Variants in SH3GL3 observed in about 807,000 individuals in gnomAD.
SH3GL3 encodes the protein endophilin-A3.
Under a neutral mutation model 47.7 loss-of-function variants are expected in SH3GL3, and 33 were observed. The ratio of observed to expected loss-of-function variants is 0.69; its 90% CI spans 0.52 to 0.92. SH3GL3 has a LOEUF of 0.92. SH3GL3 is among the 40% of genes least tolerant of loss of function. The pLI is 0.00. For missense variants in SH3GL3, 363 were observed against 417.8 expected, an observed-to-expected ratio of 0.87 and a Z score of 1.14; for synonymous variants, 155 against 148.8, an observed-to-expected ratio of 1.04 and a Z score of -0.30.
At chr15:83,569,121 TC>T (rs1327961693) in intron 4 of SH3GL3, among the ~76,000 whole-genome samples, 1 of 152,174 alleles carries the variant, frequency 6.6e-6, no homozygotes, top group Non-Finnish European at 1.5e-5. Flanking sequence ...GGTTTTGAAC[TC>T]CTGACCTCAA....
At chr15:83,581,235 C>T (rs932969436) in intron 6 of SH3GL3, among the ~76,000 whole-genome samples, 2 of 152,226 alleles carry the variant, frequency 1.3e-5, no homozygotes, top group Non-Finnish European at 2.9e-5. Flanking sequence ...AGATGTAGTA[C>T]TTCCTAGGGT....
In SH3GL3 at chr15:83,470,789, C is replaced by T. The variant is rs116668533; in HGVS notation, c.45+23211C>T. ...GGTTTATATAGTGTTTTTGAGTACA[C>T]CTCTTTGTACTGCAGTTGTCGTGGC... On this transcript the variant is annotated intron_variant, in intron 1 of 8. Coordinates refer to ENST00000427482, the MANE Select transcript of SH3GL3 (RefSeq NM_003027.5). 1.4e-3 allele frequency among the ~76,000 whole-genome samples: 210 copies of T among 152,102 alleles called. 1 individual carries two copies. Among genetic ancestry groups the T allele is most frequent in the African/African-American group, 4.8e-3 (198 of 41,494 alleles).
chr15:83,521,139 G>T (rs1159396185), intron 1 of SH3GL3, among the ~76,000 whole-genome samples: 1 of 152,056 alleles, frequency 6.6e-6, no homozygotes, highest in Non-Finnish European at 1.5e-5. Flanking sequence ...AGAATAATTG[G>T]TAACCAAATG....
intron 2 of SH3GL3, among the ~76,000 whole-genome samples, chr15:83,561,396 G>A (rs1191340649): frequency 6.6e-6 from 1 of 152,068 alleles, no homozygotes; most frequent in Non-Finnish European, 1.5e-5. Flanking sequence ...CATTATTTAG[G>A]CATGAGTGAC....
intron 1 of SH3GL3, among the ~76,000 whole-genome samples, chr15:83,475,165 A>C (rs911903197): frequency 6.6e-6 from 1 of 151,364 alleles, no homozygotes; most frequent in Non-Finnish European, 1.5e-5. Context: ...CTATAATTTT[A>C]TATAAAAATT....
intron 1 of SH3GL3, among the ~76,000 whole-genome samples, chr15:83,496,358 C>CAA (rs57113409): frequency 0.24 from 21,022 of 89,124 alleles, 1,757 homozygotes; most frequent in Middle Eastern, 0.37. Context: ...GATTATGTCT[C>CAA]AAAAAAAAAA....
At chr15:83,479,468 G>GGAT (rs1331740105) in intron 1 of SH3GL3, among the ~76,000 whole-genome samples, 1 of 152,116 alleles carries the variant, frequency 6.6e-6, no homozygotes, top group African/African-American at 2.4e-5. Flanking sequence ...TAGTTACCAT[G>GGAT]GATGGTAACT....
rs896905898 is a variant in SH3GL3, at chr15:83,614,466, C to T, written c.839-3616C>T. Among the ~76,000 whole-genome samples, 5 of 152,242 alleles carry T rather than the reference C, an allele frequency of 3.3e-5. No individual in the cohort carries two copies. The East Asian group carries it at 5.8e-4, about 18-fold the overall frequency. On this transcript the variant is annotated intron_variant, in intron 8 of 8. Transcript: ENST00000427482. The stretch of plus-strand genomic sequence containing the variant: ...CCTCCCTGAAGAGGAAGAAGAGCTC[C>T]CCTACCATTACCCCCTTCTCTTTCC...
intron 1 of SH3GL3, among the ~76,000 whole-genome samples, chr15:83,497,070 A>G (rs567364764): frequency 6.6e-6 from 1 of 152,080 alleles, no homozygotes; most frequent in Non-Finnish European, 1.5e-5. Context: ...TCTCTGCTAT[A>G]CAGGGTCTGC....
intron 1 of SH3GL3, among the ~76,000 whole-genome samples, chr15:83,462,640 T>C (rs2040359591): frequency 1.3e-5 from 2 of 152,246 alleles, no homozygotes; most frequent in South Asian, 4.1e-4. Flanking sequence ...ACTCCTGTTG[T>C]TTTTACTTTG....
intron 5 of SH3GL3, among the ~76,000 whole-genome samples, chr15:83,573,293 A>G (rs1567000239): frequency 6.6e-6 from 1 of 152,210 alleles, no homozygotes; most frequent in Non-Finnish European, 1.5e-5. Flanking sequence ...ATATGTACAG[A>G]AGATGTTCCT....
At chr15:83,626,007 A>G in the SH3GL3 span, among the ~76,000 whole-genome samples, 58 of 152,080 alleles carry the variant, frequency 3.8e-4, no homozygotes, top group Non-Finnish European at 6.8e-4. Flanking sequence ...TAATTTTTAT[A>G]TTTTTAGTAG....
At chr15:83,586,440 G>T (rs938999211) in intron 6 of SH3GL3, among the ~76,000 whole-genome samples, 3 of 152,160 alleles carry the variant, frequency 2.0e-5, no homozygotes, top group African/African-American at 7.2e-5. Context: ...ATGTTGAGTG[G>T]ATAGCAACAA....
chr15:83,457,585 C>G (rs2040061057), intron 1 of SH3GL3, among the ~76,000 whole-genome samples: 1 of 152,288 alleles, frequency 6.6e-6, no homozygotes, highest in Non-Finnish European at 1.5e-5. Flanking sequence ...ATGAGATTCT[C>G]TAGGGAGGCA....
At chr15:83,545,986 A>G (rs1179033051) in intron 1 of SH3GL3, among the ~76,000 whole-genome samples, 2 of 152,230 alleles carry the variant, frequency 1.3e-5, no homozygotes, top group Admixed American at 6.5e-5. Flanking sequence ...ACCTGAAGCC[A>G]GAACAGTACT....
At position 83,472,739 on chromosome 15, in the gene SH3GL3, G is replaced by A. The variant is rs72760308; in HGVS notation, c.45+25161G>A. Among the ~76,000 whole-genome samples, 1,411 of 152,058 alleles carry A rather than the reference G, an allele frequency of 9.3e-3. 19 individuals are homozygous for A. The highest frequency in any genetic ancestry group is 0.015 in the Non-Finnish European group (1,001 of 67,980). On this transcript the variant is annotated intron_variant, in intron 1 of 8. Transcript: ENST00000427482. ...TCTCATTCAACTAGAAATCTTCCTG[G>A]GTCTTGGCATGATTATTGTTTTATT...
intron 1 of SH3GL3, among the ~76,000 whole-genome samples, chr15:83,552,440 T>C (rs1288795040): frequency 2.0e-5 from 3 of 152,238 alleles, no homozygotes; most frequent in Non-Finnish European, 4.4e-5. Flanking sequence ...TGTGCTGATA[T>C]ACTTATTTTT....
intron 1 of SH3GL3, among the ~76,000 whole-genome samples, chr15:83,485,209 G>GT (rs1438884590): frequency 6.6e-6 from 1 of 152,104 alleles, no homozygotes; most frequent in Non-Finnish European, 1.5e-5. Context: ...TGAGGAAAGT[G>GT]TTTTTTTCTG....
chr15:83,476,248 G>A (rs556381754), intron 1 of SH3GL3, among the ~76,000 whole-genome samples: 1 of 152,298 alleles, frequency 6.6e-6, no homozygotes, highest in East Asian at 1.9e-4. Context: ...ATCTTCCCAG[G>A]ACTCAAGAGC....
Sources: allele counts gnomAD v4.1 joint callset (sites outside exome capture counted in the v4.1 genomes callset), GRCh38; gene constraint gnomAD v4.1.1; transcripts MANE v1.5; gene names NCBI Gene and HGNC (gene_info 2026-07-23, HGNC 2026-07-21).